The following PHLPP2 variants were observed in gnomAD, a reference collection of about 807,000 sequenced individuals.
The protein encoded by PHLPP2 is PH domain leucine-rich repeat-containing protein phosphatase 2.
PHLPP2 carries 66 observed loss-of-function variants against 124.9 expected under a neutral mutation model. The observed-to-expected ratio is 0.53, with a 90% CI of 0.43 to 0.65. The LOEUF is 0.65. PHLPP2 is among the 30% of genes least tolerant of loss of function. The pLI is 0.00. For synonymous variants in PHLPP2, 681 were observed against 624.7 expected (o/e 1.09, Z -1.34); for missense variants, 1,685 against 1,600.4 (o/e 1.05, Z -0.90).
At chr16:71,696,767 T>C (rs1028594515) in intron 3 of PHLPP2, among the ~76,000 whole-genome samples, 1 of 152,224 alleles carries the variant, frequency 6.6e-6, no homozygotes, top group African/African-American at 2.4e-5. Context: ...CACTTTCGTA[T>C]ATATCCTGTA....
At chr16:71,660,556 G>A (rs889733096) in intron 13 of PHLPP2, among the ~76,000 whole-genome samples, 5 of 150,672 alleles carry the variant, frequency 3.3e-5, no homozygotes, top group Non-Finnish European at 7.4e-5. Context: ...CTCCCAAGTA[G>A]CTGGGACTAC....
chr16:71,700,477 A>T (rs1403048963), intron 3 of PHLPP2, among the ~76,000 whole-genome samples: 3 of 148,246 alleles, frequency 2.0e-5, no homozygotes, highest in Non-Finnish European at 4.5e-5. Context: ...ACTGGAGCTA[A>T]TTCCTCTCTC....
chr16:71,653,996 C>T (rs1429407872), intron 17 of PHLPP2, among the ~76,000 whole-genome samples: 2 of 151,960 alleles, frequency 1.3e-5, no homozygotes, highest in East Asian at 3.9e-4. Flanking sequence ...GAGATCGAGA[C>T]CATCCTGGCT....
intron 18 of PHLPP2, among the ~76,000 whole-genome samples, chr16:71,652,226 C>T (rs776370755): frequency 8.5e-5 from 13 of 152,194 alleles, no homozygotes; most frequent in South Asian, 2.1e-4. Context: ...AAGATCTGAA[C>T]GGAATTCATC....
At chr16:71,696,764 G>A (rs997078145) in intron 3 of PHLPP2, among the ~76,000 whole-genome samples, 8 of 151,646 alleles carry the variant, frequency 5.3e-5, no homozygotes, top group Admixed American at 2.0e-4. Flanking sequence ...TGCCACTTTC[G>A]TATATATCCT....
chr16:71,658,738 G>C lies in PHLPP2; in HGVS notation c.2063C>G (p.Ala688Gly). The change falls in exon 14 of 19, where the codon GCA becomes GGA. Residue 688 changes from alanine to glycine, a missense_variant. By Grantham distance (60) the Ala-to-Gly change is moderately conservative. Coordinates refer to ENST00000568954, the MANE Select transcript of PHLPP2 (RefSeq NM_015020.3). ...NKLKTIPTTI[A>G]NCKRLHTLVA... ...AAGGGTGTGCAGCCTTTTACAGTTT[G>C]CTATGGTTGTGGGAATGGTTTTAAG... The C allele has an allele frequency of 6.2e-7, 1 of 1,614,112 alleles. No homozygotes were observed. Among genetic ancestry groups the C allele is most frequent in the Non-Finnish European group, 8.5e-7 (1 of 1,180,004 alleles).
chr16:71,701,258 A>G (rs2145367817), intron 3 of PHLPP2, among the ~76,000 whole-genome samples: 1 of 152,204 alleles, frequency 6.6e-6, no homozygotes, highest in East Asian at 1.9e-4. Context: ...CCAACAGATA[A>G]CTAATTCATC....
chr16:71,698,124 GGT>G (rs2045192707), intron 3 of PHLPP2, among the ~76,000 whole-genome samples: 1 of 152,130 alleles, frequency 6.6e-6, no homozygotes, highest in South Asian at 2.1e-4. Context: ...TGGGATTACA[GGT>G]GTGAGCCACC....
rs761072894 is a variant in PHLPP2, at chr16:71,684,457, A to C, written c.735+19T>G. ...TCTCTATTCTTATCTCCACATCAGA[A>C]CATCCCATTACTTTTCACCTTGGAT... On this transcript the variant is annotated intron_variant, in intron 5 of 18. Transcript: ENST00000568954. The C allele has an allele frequency of 8.1e-6, 13 of 1,613,228 alleles. No individual in the cohort carries two copies. Among genetic ancestry groups the C allele is most frequent in the African/African-American group, 1.3e-5 (1 of 74,862 alleles).
rs1173407543 is a variant in PHLPP2 at position 71,649,607 on chromosome 16, G to A, written c.3255C>T (p.Ser1085=). Residue 1085 remains serine, a synonymous_variant, in exon 19 of 19, where the codon TCC becomes TCT. Transcript: ENST00000568954. The stretch of plus-strand genomic sequence containing the variant: ...CCACTTCACTGCTCACCTCTGAGGT[G>A]GACATCTCACTGCTGAACTCAGAGG... ...GIASEFSSEM[S]TSEVSSEVGS... The A allele has an allele frequency of 6.2e-7, 1 of 1,614,146 alleles. No homozygotes were observed. The highest frequency in any genetic ancestry group is 1.7e-5 in the Admixed American group (1 of 60,016).
chr16:71,652,715 G>T, intron 18 of PHLPP2, 75 bp downstream of exon 18: 1 of 1,027,840 alleles, frequency 9.7e-7, no homozygotes. Flanking sequence ...AAGAAAATGG[G>T]CCTTCATCAC....
At chr16:71,714,441 T>A in intron 2 of PHLPP2, 71 bp downstream of exon 2, 1 of 1,456,944 alleles carries the variant, frequency 6.9e-7, no homozygotes. Flanking sequence ...AATCCTAAAG[T>A]CCAGTTCTAA....
intron 1 of PHLPP2, among the ~76,000 whole-genome samples, chr16:71,721,454 A>T (rs1329902312): frequency 6.6e-6 from 1 of 152,204 alleles, no homozygotes; most frequent in East Asian, 1.9e-4. Context: ...ACAAAAATAA[A>T]AATAAAAATT....
chr16:71,660,975 T>C (rs2044784472), intron 13 of PHLPP2, among the ~76,000 whole-genome samples: 1 of 152,124 alleles, frequency 6.6e-6, no homozygotes, highest in Non-Finnish European at 1.5e-5. Context: ...AGAACACACA[T>C]TTTTAAAAAT....
At chr16:71,721,930 AT>A (rs2045400974) in intron 1 of PHLPP2, among the ~76,000 whole-genome samples, 1 of 152,192 alleles carries the variant, frequency 6.6e-6, no homozygotes, top group African/African-American at 2.4e-5. Context: ...GCTTAGTTAT[AT>A]TAGCCTTTTG....
intron 16 of PHLPP2, 122 bp downstream of exon 16, chr16:71,656,449 G>A: frequency 1.6e-6 from 1 of 620,360 alleles, no homozygotes; most frequent in Non-Finnish European, 2.9e-6. Flanking sequence ...TGACGCTGAT[G>A]TTCTATGATT....
At chr16:71,680,337 A>T (rs1217991124) in intron 6 of PHLPP2, among the ~76,000 whole-genome samples, 2 of 152,234 alleles carry the variant, frequency 1.3e-5, no homozygotes, top group African/African-American at 4.8e-5. Flanking sequence ...GTCACATAAA[A>T]TGAATAAACC....
Position 71,649,797 on chromosome 16 carries a change from C to T in PHLPP2, c.3065G>A (p.Cys1022Tyr). Residue 1022 changes from cysteine (C) to tyrosine (Y), a missense_variant, in exon 19 of 19, where the codon TGT becomes TAT. Transcript: ENST00000568954. Reference protein sequence around the residue: ...KLCTLAQSYGCQDNVGAMVVY... With the variant: ...KLCTLAQSYGYQDNVGAMVVY... Reference sequence around the variant, plus strand: ...TACCATCGCCCCTACATTGTCCTGACAGCCATAGCTCTGCGCTAATGTGCA... The same window carrying T: ...TACCATCGCCCCTACATTGTCCTGATAGCCATAGCTCTGCGCTAATGTGCA... The T allele has an allele frequency of 1.2e-6, 2 of 1,614,254 alleles. No homozygotes were observed.
chr16:71,703,668 G>A (rs1020180407), intron 2 of PHLPP2, among the ~76,000 whole-genome samples: 8 of 152,152 alleles, frequency 5.3e-5, no homozygotes, highest in Non-Finnish European at 8.8e-5. Flanking sequence ...TCAAGTCTTA[G>A]TCCTGCCACT....
Sources: gnomAD v4.1 joint callset for allele counts (sites outside exome capture counted in the v4.1 genomes callset) on GRCh38, gnomAD v4.1.1 for gene constraint, MANE v1.5 for transcripts, NCBI Gene and HGNC (gene_info 2026-07-23, HGNC 2026-07-21) for gene names.